Variants in PCDHGA4 observed in about 807,000 individuals in gnomAD.
The protein encoded by PCDHGA4 is protocadherin gamma subfamily A, 4.
In PCDHGA4, 38 loss-of-function variants were observed where a neutral mutation model predicts 54.6. The ratio of observed to expected loss-of-function variants is 0.70; its 90% CI spans 0.54 to 0.91. The LOEUF (loss-of-function observed/expected upper bound fraction) is 0.91, where lower values mean the gene tolerates loss of function less well. PCDHGA4 is among the 40% of genes least tolerant of loss of function. The pLI, the probability that PCDHGA4 is intolerant of heterozygous loss-of-function variation, is 0.00. For synonymous variants in PCDHGA4, 511 were observed against 512.9 expected, an observed-to-expected ratio of 1.00 and a Z score of 0.05; for missense variants, 1,298 against 1,220.9, an observed-to-expected ratio of 1.06 and a Z score of -0.94.
intron 1 of PCDHGA4, chr5:141,379,738 A>T (rs1218280067): frequency 1.3e-5 from 2 of 152,158 alleles, no homozygotes; most frequent in Non-Finnish European, 2.9e-5. Flanking sequence ...GTTATGGCTA[A>T]ATGAGGTTCT....
At position 141,489,072 on chromosome 5, in the gene PCDHGA4, A is replaced by AC; in HGVS notation, c.2515-5730dup. The AC allele has an allele frequency of 1.3e-5, 2 of 157,710 alleles. No homozygotes were observed. Among genetic ancestry groups the AC allele is most frequent in the Non-Finnish European group, 1.2e-5 (1 of 83,996 alleles). 9.8% of individuals were successfully genotyped at this position (157,710 alleles called of 1,614,324 possible). A position where few individuals can be genotyped will look rare whatever the true frequency, so the allele number is the denominator to read the frequency against. On this transcript the variant is annotated intron_variant, in intron 1 of 3. Transcript: ENST00000571252. This position sits in a 1 kb window ranked among gnomAD's most constrained non-coding sequence, Gnocchi z 4.5. The stretch of plus-strand genomic sequence containing the variant: ...AATTCAGCTCCCCTCCCCCCTGCCC[A>AC]CCCCCGCCACTCGGTGACTAAGAAC...
Position 141,431,758 on chromosome 5 carries a change from C to T in PCDHGA4, c.2515-63049C>T. Reference sequence around the variant, plus strand: ...CAGGATATTCTGCGCGAGCCAAAGTCCTGATCACTGTTCTGGACGTGAACG... The same window carrying T: ...CAGGATATTCTGCGCGAGCCAAAGTTCTGATCACTGTTCTGGACGTGAACG... On this transcript the variant is annotated intron_variant, in intron 1 of 3. Transcript: ENST00000571252. This position sits in a 1 kb window ranked among gnomAD's most constrained non-coding sequence, Gnocchi z 4.8. 1.9e-6 allele frequency: 3 copies of T among 1,614,172 alleles called. No homozygotes were observed. The highest frequency in any genetic ancestry group is 1.7e-6 in the Non-Finnish European group (2 of 1,180,020).
At chr5:141,427,683 G>C in intron 1 of PCDHGA4, 1 of 836,052 alleles carries the variant, frequency 1.2e-6, no homozygotes. Flanking sequence ...CCTTCCCGGA[G>C]CCTCCATCCC....
Position 141,431,135 on chromosome 5 carries a change from A to G in PCDHGA4, c.2515-63672A>G, listed in dbSNP as rs140069213. The G allele has an allele frequency of 1.5e-5, 24 of 1,614,266 alleles. No homozygotes were observed. In the African/African-American group the frequency reaches 3.1e-4, roughly 21 times the overall value. Reference sequence around the variant, plus strand: ...TGGAGTAGAAGTAGAAGTAAGGGACATTAACGACAATGCGCCTTACTTTCG... The same window carrying G: ...TGGAGTAGAAGTAGAAGTAAGGGACGTTAACGACAATGCGCCTTACTTTCG... On this transcript the variant is annotated intron_variant, in intron 1 of 3. Transcript: ENST00000571252. This position sits in a 1 kb window ranked among gnomAD's most constrained non-coding sequence, Gnocchi z 4.8.
At position 141,477,053 on chromosome 5, in the gene PCDHGA4, G is replaced by C; in HGVS notation, c.2515-17754G>C. ...GACAATCAAGGGTCGGCTGGACTTC[G>C]AGGACACCAAACTCCATGAGATTTA... On this transcript the variant is annotated intron_variant, in intron 1 of 3. Coordinates refer to ENST00000571252, the MANE Select transcript of PCDHGA4 (RefSeq NM_018917.4). This position sits in a 1 kb window ranked among gnomAD's most constrained non-coding sequence, Gnocchi z 4.9. The C allele has an allele frequency of 6.2e-7, 1 of 1,614,230 alleles. No homozygotes were observed. Among genetic ancestry groups the C allele is most frequent in the Non-Finnish European group, 8.5e-7 (1 of 1,180,032 alleles).
intron 1 of PCDHGA4, among the ~76,000 whole-genome samples, chr5:141,363,469 T>G (rs892599047): frequency 2.0e-5 from 3 of 152,254 alleles, no homozygotes; most frequent in African/African-American, 4.8e-5. Context: ...TATCTGCTCA[T>G]GCTTTCCTGC....
intron 1 of PCDHGA4, chr5:141,360,398 A>G (rs1171343282): frequency 2.5e-6 from 4 of 1,613,808 alleles, no homozygotes; most frequent in Non-Finnish European, 3.4e-6. Flanking sequence ...CTTGTGAGTG[A>G]CAGAATAGAC....
intron 1 of PCDHGA4, among the ~76,000 whole-genome samples, chr5:141,369,464 C>G (rs1013896891): frequency 6.6e-6 from 1 of 152,072 alleles, no homozygotes; most frequent in African/African-American, 2.4e-5. Flanking sequence ...GCCAGGTGTT[C>G]TAGCCCAGCC....
At chr5:141,484,047 TC>T (rs1351554084) in intron 1 of PCDHGA4, among the ~76,000 whole-genome samples, 1 of 151,912 alleles carries the variant, frequency 6.6e-6, no homozygotes, top group African/African-American at 2.4e-5. Context: ...CTCCAAGAGG[TC>T]CCCTGGGGCT....
rs70988800 is a variant in PCDHGA4, at chr5:141,379,889, CTTTTTTTTTTTTTTT to C, written c.2514+22284_2514+22298del. On this transcript the variant is annotated intron_variant, in intron 1 of 3. Coordinates refer to ENST00000571252, the MANE Select transcript of PCDHGA4 (RefSeq NM_018917.4). ...CTTATTTTATGGTCTGTGAAAGCCT[CTTTTTTTTTTTTTTT>C]TTTTTTTTTTTTTTTGTCAGAGTCT... Among the ~76,000 whole-genome samples the C allele has an allele frequency of 9.8e-4, 50 of 50,836 alleles. 1 individual carries two copies. Among genetic ancestry groups the C allele is most frequent in the Non-Finnish European group, 5.4e-4 (14 of 25,884 alleles). The allele number at this position is 50,836 out of a possible 152,430, so 33.4% of individuals were successfully genotyped here.
intron 1 of PCDHGA4, chr5:141,366,507 A>C: frequency 1.2e-6 from 2 of 1,614,238 alleles, no homozygotes; most frequent in Non-Finnish European, 8.5e-7. Flanking sequence ...CGCCTGCTTC[A>C]GGCTGAAGGC....
At chr5:141,482,956 CCAGCTACTTGAG>C (rs6149271) in intron 1 of PCDHGA4, among the ~76,000 whole-genome samples, 62,216 of 151,640 alleles carry the variant, frequency 0.41, 15,336 homozygotes, top group African/African-American at 0.7. Context: ...GCCTGTAATT[CCAGCTACTTGAG>C]CAGCTACTTG....
At position 141,485,379 on chromosome 5, in the gene PCDHGA4, A is replaced by G. The variant is rs749607481; in HGVS notation, c.2515-9428A>G. 12 of 1,613,934 alleles carry G rather than the reference A, an allele frequency of 7.4e-6. No homozygotes were observed. In the Admixed American group the frequency reaches 1.8e-4, roughly 25 times the overall value. The stretch of plus-strand genomic sequence containing the variant: ...GCTCGCAGGCTGCAGGTCGCTGGAG[A>G]GGTGAACCAAAGACACTTCCGTGTG... On this transcript the variant is annotated intron_variant, in intron 1 of 3. Coordinates refer to ENST00000571252, the MANE Select transcript of PCDHGA4 (RefSeq NM_018917.4). This position sits in a 1 kb window ranked among gnomAD's most constrained non-coding sequence, Gnocchi z 5.7.
rs371245499 is a variant in PCDHGA4 at position 141,399,811 on chromosome 5, G to T, written c.2514+42190G>T. 1.0e-4 allele frequency: 169 copies of T among 1,613,100 alleles called. No homozygotes were observed. The highest frequency in any genetic ancestry group is 1.4e-4 in the Non-Finnish European group (163 of 1,179,762). ...CAACGCACCGCGGGTGCTGTACCCC[G>T]CGCTGGGTCCCGACGGCTCTGCGCT... On this transcript the variant is annotated intron_variant, in intron 1 of 3. Coordinates refer to ENST00000571252, the MANE Select transcript of PCDHGA4 (RefSeq NM_018917.4).
intron 1 of PCDHGA4, chr5:141,387,776 A>G: frequency 6.9e-7 from 1 of 1,452,928 alleles, no homozygotes; most frequent in Non-Finnish European, 9.2e-7. Flanking sequence ...TTTTTCTTGA[A>G]CTGGAACTGC....
chr5:141,361,678 T>G lies in PCDHGA4; in HGVS notation c.2514+4057T>G, dbSNP rs192424877. The G allele has an allele frequency of 1.4e-4, 224 of 1,613,592 alleles. 3 individuals carry two copies. The South Asian group carries it at 2.0e-3, about 15-fold the overall frequency. ...CGTGAGCGCGCAGAGCGGGGTGGTG[T>G]TCGCGCAGCGCGCCTTCGATCATGA... On this transcript the variant is annotated intron_variant, in intron 1 of 3. Transcript: ENST00000571252.
chr5:141,416,109 A>C (rs1365438751), intron 1 of PCDHGA4: 5 of 157,286 alleles, frequency 3.2e-5, no homozygotes, highest in African/African-American at 1.2e-4. Context: ...GCCTTTTTCA[A>C]ACTACATTTT....
rs749347013 is a variant in PCDHGA4, at chr5:141,476,739, C to G, written c.2515-18068C>G. 6.2e-7 allele frequency: 1 copy of G among 1,614,068 alleles called. No individual in the cohort carries two copies. Among genetic ancestry groups the G allele is most frequent in the South Asian group, 1.1e-5 (1 of 91,088 alleles). On this transcript the variant is annotated intron_variant, in intron 1 of 3. Transcript: ENST00000571252. The surrounding 1 kb of genome is among the most constrained non-coding windows in gnomAD (Gnocchi z 7.6). Reference sequence around the variant, plus strand: ...CGCGCCCTGGACCGAGAACGGGAGCCTAGTCTCCAGTTAGTGCTGACGGCG... The same window carrying G: ...CGCGCCCTGGACCGAGAACGGGAGCGTAGTCTCCAGTTAGTGCTGACGGCG...
At chr5:141,415,056 G>C in intron 1 of PCDHGA4, 2 of 1,613,416 alleles carry the variant, frequency 1.2e-6, no homozygotes, top group Non-Finnish European at 1.7e-6. Flanking sequence ...GGGAGCACAC[G>C]GGCGAGGTGC....
Sources: gnomAD v4.1 joint callset for allele counts (sites outside exome capture counted in the v4.1 genomes callset) on GRCh38, gnomAD v4.1.1 for gene constraint, Gnocchi (gnomAD v3.1) non-coding constraint, MANE v1.5 for transcripts, NCBI Gene and HGNC (gene_info 2026-07-23, HGNC 2026-07-21) for gene names.